STOML1: variants seen among roughly 807,000 people sequenced by gnomAD.
STOML1 encodes the protein stomatin-like protein 1.
Under a neutral mutation model 35.7 loss-of-function variants are expected in STOML1, and 27 were observed. The observed-to-expected ratio is 0.76, with a 90% CI of 0.56 to 1.04. The LOEUF is 1.04. Ranked by LOEUF, STOML1 falls within the 50% of genes least tolerant of loss-of-function variation. The pLI is 0.00. For synonymous variants in STOML1, 219 were observed against 227.9 expected (o/e 0.96, Z 0.35); for missense variants, 451 against 527.1 (o/e 0.86, Z 1.41).
intron 5 of STOML1, 79 bp from the exon 6 acceptor site, chr15:73,984,950 G>A (rs2069043446): frequency 2.0e-6 from 3 of 1,519,892 alleles, no homozygotes; most frequent in South Asian, 1.1e-5. Flanking sequence ...ACTCACTGTG[G>A]CCTCTGCACC....
upstream of STOML1, among the ~76,000 whole-genome samples, chr15:73,993,128 G>A (rs1428102843): frequency 6.6e-6 from 1 of 152,214 alleles, no homozygotes; most frequent in South Asian, 2.1e-4. Flanking sequence ...GTGTAAGGAA[G>A]AAGGGGATAG....
chr15:73,990,396 C>T lies in STOML1; in HGVS notation c.195G>A (p.Leu65=), dbSNP rs2069233517. Residue 65 remains leucine (L), a synonymous_variant, in exon 2 of 7, where the codon TTG becomes TTA. Coordinates refer to ENST00000541638, the MANE Select transcript of STOML1 (RefSeq NM_004809.5). ...CHGLISFLGF[L]LLLVTFPISG... ...AAATGGGGAAGGTGACCAACAGCAG[C>T]AAGAACCCCAGGAAACTGATGAGGC... is the stretch of plus-strand genomic sequence containing the variant. 2.5e-6 allele frequency: 4 copies of T among 1,613,996 alleles called. No individual in the cohort carries two copies. In the South Asian group the frequency reaches 3.3e-5, roughly 13 times the overall value.
chr15:73,988,863 C>G lies in STOML1; in HGVS notation c.391-61G>C. 6.4e-7 allele frequency: 1 copy of G among 1,566,628 alleles called. No individual in the cohort carries two copies. Among genetic ancestry groups the G allele is most frequent in the Non-Finnish European group, 8.7e-7 (1 of 1,152,556 alleles). On this transcript the variant is annotated intron_variant, in intron 3 of 6. Transcript: ENST00000541638. This position sits in a 1 kb window ranked among gnomAD's most constrained non-coding sequence, Gnocchi z 4.8. ...GGGCTGGGGGTGCAGGGAGGTCAGG[C>G]CCACTGGGGCCACCCAGCTTGAACC...
intron 5 of STOML1, 128 bp downstream of exon 5, chr15:73,985,190 G>A (rs889015342): frequency 4.2e-6 from 5 of 1,182,616 alleles, no homozygotes; most frequent in Non-Finnish European, 5.8e-6. Context: ...CACTGCCTTG[G>A]CTGTGGTCAG....
At chr15:73,990,905 A>G in intron 1 of STOML1, 5 of 1,532,644 alleles carry the variant, frequency 3.3e-6, no homozygotes, top group Non-Finnish European at 4.4e-6. Flanking sequence ...CAGCCCCAGA[A>G]GTGTGCTTTC....
At chr15:73,994,560 GC>G, upstream of STOML1, 1 of 572,592 alleles carries the variant, frequency 1.7e-6, no homozygotes, top group Non-Finnish European at 3.2e-6. Context: ...CCGTAAGTCA[GC>G]GGTAGGTCTG....
rs755893945 is a variant in STOML1, at chr15:73,984,169, G to A, written c.1004-39C>T. 13 of 1,583,112 alleles carry A rather than the reference G, an allele frequency of 8.2e-6. No homozygotes were observed. The Admixed American group carries it at 2.3e-4, about 27-fold the overall frequency. On this transcript the variant is annotated intron_variant, in intron 6 of 6. Transcript: ENST00000541638. ...GAAAACCGAGTGTCAGTAGGGGAAT[G>A]GAGGAACGTGAAGGAGATCTATGGG... is the stretch of plus-strand genomic sequence containing the variant.
chr15:73,990,788 C>T lies in STOML1; in HGVS notation c.134-331G>A, dbSNP rs990836168. 7 of 1,533,838 alleles carry T rather than the reference C, an allele frequency of 4.6e-6. No homozygotes were observed. In the African/African-American group the frequency reaches 6.8e-5, roughly 15 times the overall value. ...TGGACTGAGTAGGGGTCAATCCTCT[C>T]GTTTAATTTATATTGCCTACCCATA... On this transcript the variant is annotated intron_variant, in intron 1 of 6. Coordinates refer to ENST00000541638, the MANE Select transcript of STOML1 (RefSeq NM_004809.5).
chr15:73,979,068 A>G lies in STOML1; in HGVS notation c.*4869T>C, dbSNP rs2068931537. On this transcript the variant is annotated 3_prime_UTR_variant, in exon 7 of 7. Transcript: ENST00000541638. Reference sequence around the variant, plus strand: ...CAACAAACTACAGATACACAGAATAACATGTATTACTCTCAAAACCATTAC... The same window carrying G: ...CAACAAACTACAGATACACAGAATAGCATGTATTACTCTCAAAACCATTAC... 6.6e-6 allele frequency: 1 copy of G among 152,202 alleles called. No individual in the cohort carries two copies. The highest frequency in any genetic ancestry group is 6.5e-5 in the Admixed American group (1 of 15,282). The allele number at this position is 152,202 out of a possible 1,614,324, so 9.4% of individuals were successfully genotyped here.
At chr15:73,985,760 A>G (rs1219836649) in intron 4 of STOML1, 1 of 479,832 alleles carries the variant, frequency 2.1e-6, no homozygotes, top group Non-Finnish European at 3.6e-6. Flanking sequence ...CCTCAGGTGG[A>G]GGAGGACCCT....
Position 73,992,121 on chromosome 15 carries a change from G to T in STOML1, c.103C>A (p.Pro35Thr). The change falls in exon 1 of 7, where the codon CCG (proline) becomes ACG (threonine). Residue 35 changes from proline to threonine, a missense_variant. By Grantham distance (38) the Pro-to-Thr change is conservative. Transcript: ENST00000541638. ...FLGSQKGCLS[P>T]ERGGVGTGAD... ...CCTGTCCCCACGCCGCCCCGCTCCG[G>T]GGACAAGCAGCCCTTCTGCGAGCCC... The T allele has an allele frequency of 6.2e-7, 1 of 1,604,124 alleles. No individual in the cohort carries two copies.
chr15:73,980,891 T>C lies in STOML1; in HGVS notation c.*3046A>G, dbSNP rs2068953083. 1 of 150,588 alleles carries C rather than the reference T, an allele frequency of 6.6e-6. No individual in the cohort carries two copies. Among genetic ancestry groups the C allele is most frequent in the African/African-American group, 2.5e-5 (1 of 40,790 alleles). 9.3% of individuals were successfully genotyped at this position (150,588 alleles called of 1,614,324 possible). A position where few individuals can be genotyped will look rare whatever the true frequency, so the allele number is the denominator to read the frequency against. Reference sequence around the variant, plus strand: ...ACATCCTTATCTCTACAAAAGAGATTTTAAAAATTAGCCGGTTGTGGTGGC... The same window carrying C: ...ACATCCTTATCTCTACAAAAGAGATCTTAAAAATTAGCCGGTTGTGGTGGC... On this transcript the variant is annotated 3_prime_UTR_variant, in exon 7 of 7. Transcript: ENST00000541638.
chr15:73,990,879 A>T, intron 1 of STOML1: 1 of 1,535,560 alleles, frequency 6.5e-7, no homozygotes, highest in Non-Finnish European at 8.7e-7. Flanking sequence ...GGCAAAACAC[A>T]TTCCTCCTAT....
chr15:73,988,554 G>A lies in STOML1; in HGVS notation c.594+45C>T, dbSNP rs1290501186. On this transcript the variant is annotated intron_variant, in intron 4 of 6. Coordinates refer to ENST00000541638, the MANE Select transcript of STOML1 (RefSeq NM_004809.5). This position sits in a 1 kb window ranked among gnomAD's most constrained non-coding sequence, Gnocchi z 4.8. ...CAAAGTGACCTGGCAGGTGGAGCCA[G>A]GCCGGTGCCACCCCTCAAGCTCCGT... The A allele has an allele frequency of 6.2e-7, 1 of 1,609,908 alleles. No homozygotes were observed. The highest frequency in any genetic ancestry group is 1.7e-5 in the Admixed American group (1 of 59,782).
In STOML1 at chr15:73,983,758, A is replaced by C; in HGVS notation, c.*179T>G. The C allele has an allele frequency of 1.6e-6, 1 of 644,408 alleles. No homozygotes were observed. Among genetic ancestry groups the C allele is most frequent in the East Asian group, 2.8e-5 (1 of 35,924 alleles). 39.9% of individuals were successfully genotyped at this position (644,408 alleles called of 1,614,324 possible). A position where few individuals can be genotyped will look rare whatever the true frequency, so the allele number is the denominator to read the frequency against. ...CTTGTCCAGAGAACCACTGTAGGGGAGACGTGCATGGCAGCCGGACTCAGC... is the reference window on the plus strand; with the variant it reads ...CTTGTCCAGAGAACCACTGTAGGGGCGACGTGCATGGCAGCCGGACTCAGC... On this transcript the variant is annotated 3_prime_UTR_variant, in exon 7 of 7. Coordinates refer to ENST00000541638, the MANE Select transcript of STOML1 (RefSeq NM_004809.5).
chr15:73,983,649 G>A lies in STOML1; in HGVS notation c.*288C>T, dbSNP rs2068994491. 2 of 355,036 alleles carry A rather than the reference G, an allele frequency of 5.6e-6. No individual in the cohort carries two copies. The highest frequency in any genetic ancestry group is 1.0e-5 in the Non-Finnish European group (2 of 195,068). 22.0% of individuals were successfully genotyped at this position (355,036 alleles called of 1,614,324 possible). Reference sequence around the variant, plus strand: ...TCCAGTCAGGAAGCCAGCAGGGCAGGGCAGGCCTGGCTCTCCTCCTGGAAT... The same window carrying A: ...TCCAGTCAGGAAGCCAGCAGGGCAGAGCAGGCCTGGCTCTCCTCCTGGAAT... On this transcript the variant is annotated 3_prime_UTR_variant, in exon 7 of 7. Coordinates refer to ENST00000541638, the MANE Select transcript of STOML1 (RefSeq NM_004809.5).
In STOML1 at chr15:73,988,848, T is replaced by C. The variant is rs1555437025; in HGVS notation, c.391-46A>G. 10 of 1,585,970 alleles carry C rather than the reference T, an allele frequency of 6.3e-6. No homozygotes were observed. The highest frequency in any genetic ancestry group is 3.4e-5 in the Admixed American group (2 of 58,644). On this transcript the variant is annotated intron_variant, in intron 3 of 6. Coordinates refer to ENST00000541638, the MANE Select transcript of STOML1 (RefSeq NM_004809.5). This position sits in a 1 kb window ranked among gnomAD's most constrained non-coding sequence, Gnocchi z 4.8. ...AGAGAGACACTCAAGGGGCTGGGGG[T>C]GCAGGGAGGTCAGGCCCACTGGGGC...
Position 73,988,397 on chromosome 15 carries a change from CA to C in STOML1, c.594+201del, listed in dbSNP as rs1429100879. On this transcript the variant is annotated intron_variant, in intron 4 of 6. Transcript: ENST00000541638. This position sits in a 1 kb window ranked among gnomAD's most constrained non-coding sequence, Gnocchi z 4.8. ...TCCTCTTCTCAGGGACAAGTTTGCC[CA>C]GGATCGTTATGGTCTACGCCCACCT... The C allele has an allele frequency of 3.2e-6, 2 of 632,140 alleles. No homozygotes were observed. The highest frequency in any genetic ancestry group is 5.3e-6 in the Non-Finnish European group (2 of 374,586). The allele number at this position is 632,140 out of a possible 1,614,324, so 39.2% of individuals were successfully genotyped here. A position where few individuals can be genotyped will look rare whatever the true frequency, so the allele number is the denominator to read the frequency against.
In STOML1 at chr15:73,988,162, A is replaced by C. The variant is rs1291804005; in HGVS notation, c.594+437T>G. 1 of 173,794 alleles carries C rather than the reference A, an allele frequency of 5.8e-6. No individual in the cohort carries two copies. The highest frequency in any genetic ancestry group is 1.2e-5 in the Non-Finnish European group (1 of 80,634). The allele number at this position is 173,794 out of a possible 1,614,324, so 10.8% of individuals were successfully genotyped here. ...TTCCTTTGTTCTGTTCCAAACAAGG[A>C]AACAAAAATCACAAGCATGCACACG... On this transcript the variant is annotated intron_variant, in intron 4 of 6. Transcript: ENST00000541638. The surrounding 1 kb of genome is among the most constrained non-coding windows in gnomAD (Gnocchi z 4.8).
Sources: gnomAD v4.1 joint callset for allele counts (sites outside exome capture counted in the v4.1 genomes callset) on GRCh38, gnomAD v4.1.1 for gene constraint, Gnocchi (gnomAD v3.1) non-coding constraint, MANE v1.5 for transcripts, NCBI Gene and HGNC (gene_info 2026-07-23, HGNC 2026-07-21) for gene names.